The following ZNF783 variants were observed in gnomAD, a reference collection of about 807,000 sequenced individuals.
ZNF783 encodes protein ZNF783.
Under a neutral mutation model 31.3 loss-of-function variants are expected in ZNF783, and 25 were observed. The ratio of observed to expected loss-of-function variants is 0.80; its 90% CI spans 0.58 to 1.11. The LOEUF (loss-of-function observed/expected upper bound fraction) is 1.11. Ranked by LOEUF, ZNF783 falls within the 50% of genes most tolerant of loss-of-function variation. ZNF783 has a pLI of 0.00. For synonymous variants in ZNF783, 369 were observed against 319.1 expected (o/e 1.16, Z -1.66); for missense variants, 797 against 760.0 (o/e 1.05, Z -0.57).
At chr7:149,262,763 A>G (rs966846846) in intron 1 of ZNF783, among the ~76,000 whole-genome samples, 5 of 152,370 alleles carry the variant, frequency 3.3e-5, no homozygotes, top group Middle Eastern at 3.4e-3. Context: ...GGACAGGCCC[A>G]GGGTCACGCA....
intron 5 of ZNF783, among the ~76,000 whole-genome samples, chr7:149,279,318 A>AC (rs1168097253): frequency 1.3e-5 from 2 of 152,228 alleles, no homozygotes; most frequent in East Asian, 3.8e-4. Context: ...CAGACCTGGA[A>AC]CGGTGTCCGG....
Position 149,266,748 on chromosome 7 carries a change from TG to T in ZNF783, c.420+22del, listed in dbSNP as rs1293511138. 3 of 1,613,216 alleles carry T rather than the reference TG, an allele frequency of 1.9e-6. No individual in the cohort carries two copies. The highest frequency in any genetic ancestry group is 2.5e-6 in the Non-Finnish European group (3 of 1,179,692). On this transcript the variant is annotated intron_variant, in intron 2 of 5. Coordinates refer to ENST00000434415, the MANE Select transcript of ZNF783 (RefSeq NM_001195220.2). ...CCCCCAAGGTAGCACCGGGACACCC[TG>T]GGGTGGGGGAGCTCGAGGGGCTGAG...
intron 4 of ZNF783, among the ~76,000 whole-genome samples, chr7:149,274,178 C>G (rs1797271202): frequency 6.6e-6 from 1 of 151,994 alleles, no homozygotes; most frequent in South Asian, 2.1e-4. Flanking sequence ...CCAATGTTTT[C>G]TTGTAGTAGT....
At chr7:149,274,230 T>C (rs1797272318) in intron 4 of ZNF783, among the ~76,000 whole-genome samples, 1 of 152,210 alleles carries the variant, frequency 6.6e-6, no homozygotes, top group Non-Finnish European at 1.5e-5. Flanking sequence ...TAATCTATTT[T>C]GATTTGATTT....
intron 4 of ZNF783, chr7:149,276,440 A>G (rs1797330945): frequency 1.0e-6 from 1 of 985,986 alleles, no homozygotes; most frequent in Non-Finnish European, 1.2e-6. Context: ...CTTGTCATGA[A>G]AGCAACATTT....
At chr7:149,266,202 C>T (rs111987824) in intron 1 of ZNF783, 133 bp from the exon 2 acceptor site, 40 of 1,057,128 alleles carry the variant, frequency 3.8e-5, no homozygotes, top group Non-Finnish European at 4.6e-5. Flanking sequence ...CCTCTCCCCC[C>T]CAGTCTGCTG....
At position 149,264,829 on chromosome 7, in the gene ZNF783, C is replaced by T. The variant is rs190215096; in HGVS notation, c.25-1506C>T. On this transcript the variant is annotated intron_variant, in intron 1 of 5. Coordinates refer to ENST00000434415, the MANE Select transcript of ZNF783 (RefSeq NM_001195220.2). ...TGGAGGTTGCAGTGAGCCGAGATTG[C>T]GCCACTGTACCCCAGCCTGGGCGAC... 1.7e-3 allele frequency among the ~76,000 whole-genome samples: 254 copies of T among 147,840 alleles called. 1 individual carries two copies. The highest frequency in any genetic ancestry group is 5.4e-3 in the African/African-American group (215 of 39,832).
In ZNF783 at chr7:149,266,325, T is replaced by C. The variant is rs747012425; in HGVS notation, c.25-10T>C. On this transcript the variant is annotated splice_polypyrimidine_tract_variant and intron_variant, in intron 1 of 5. Coordinates refer to ENST00000434415, the MANE Select transcript of ZNF783 (RefSeq NM_001195220.2). ...CTCATAACATCTCTCTTTTCTCTTC[T>C]TGTGAGCAGGACCCCGAGACAGACA... 23 of 1,544,318 alleles carry C rather than the reference T, an allele frequency of 1.5e-5. No homozygotes were observed. The highest frequency in any genetic ancestry group is 1.8e-5 in the Non-Finnish European group (21 of 1,155,346).
At chr7:149,280,565 G>C (rs1015206643) in intron 5 of ZNF783, among the ~76,000 whole-genome samples, 1 of 152,156 alleles carries the variant, frequency 6.6e-6, no homozygotes, top group African/African-American at 2.4e-5. Context: ...TCGTGGTCTG[G>C]TCTGGCCTGG....
At chr7:149,264,944 A>AAGGGAGAAGGCTGGAAGTG (rs1241860597) in intron 1 of ZNF783, among the ~76,000 whole-genome samples, 1 of 116,170 alleles carries the variant, frequency 8.6e-6, no homozygotes, top group Non-Finnish European at 1.8e-5. Flanking sequence ...GCCTGGAAGT[A>AAGGGAGAAGGCTGGAAGTG]GGGGAGAAGG....
intron 4 of ZNF783, among the ~76,000 whole-genome samples, chr7:149,272,918 G>T (rs1797241326): frequency 6.8e-6 from 1 of 146,702 alleles, no homozygotes; most frequent in African/African-American, 2.5e-5. Flanking sequence ...CCAGCCTTCA[G>T]TAACCATCAT....
At chr7:149,268,421 T>G (rs944841262) in intron 4 of ZNF783, among the ~76,000 whole-genome samples, 2 of 152,222 alleles carry the variant, frequency 1.3e-5, no homozygotes, top group African/African-American at 4.8e-5. Flanking sequence ...TCAACAGCTT[T>G]ATTGAGATAT....
Position 149,281,099 on chromosome 7 carries a change from T to C in ZNF783, c.803-406T>C, listed in dbSNP as rs144223859. ...GTGGTCTGGGGGCATGCAGGGCCCC[T>C]GGGGTTCATTGTCTTTCACAGATGG... On this transcript the variant is annotated intron_variant, in intron 5 of 5. Transcript: ENST00000434415. Among the ~76,000 whole-genome samples, 559 of 152,296 alleles carry C rather than the reference T, an allele frequency of 3.7e-3. 6 individuals are homozygous for C. The highest frequency in any genetic ancestry group is 0.013 in the African/African-American group (533 of 41,580).
chr7:149,275,878 C>G (rs1483162515), intron 4 of ZNF783: 1 of 152,156 alleles, frequency 6.6e-6, no homozygotes, highest in African/African-American at 2.4e-5. Context: ...TCTGGCTCTT[C>G]CTCCCAATAT....
At chr7:149,279,158 C>T (rs1433604046) in intron 5 of ZNF783, among the ~76,000 whole-genome samples, 1 of 152,232 alleles carries the variant, frequency 6.6e-6, no homozygotes, top group Non-Finnish European at 1.5e-5. Flanking sequence ...TGGTTGCTTT[C>T]CCTGTGGTGA....
At chr7:149,278,224 C>T in intron 4 of ZNF783, 175 bp from the exon 5 acceptor site, 1 of 1,416,180 alleles carries the variant, frequency 7.1e-7, no homozygotes, top group Non-Finnish European at 9.2e-7. Context: ...GGACATGAGG[C>T]TTTAGACTGG....
intron 4 of ZNF783, chr7:149,276,728 C>A: frequency 1.6e-6 from 1 of 635,162 alleles, no homozygotes; most frequent in Non-Finnish European, 2.0e-6. Flanking sequence ...TGGAATGCAA[C>A]TGGCACAATC....
chr7:149,279,868 C>G (rs1019426349), intron 5 of ZNF783, among the ~76,000 whole-genome samples: 8 of 152,020 alleles, frequency 5.3e-5, no homozygotes, highest in African/African-American at 1.9e-4. Flanking sequence ...ATGTCTACTT[C>G]TTTCTACACA....
chr7:149,278,603 G>T (rs1389114178), intron 5 of ZNF783, 76 bp downstream of exon 5: 1 of 1,581,124 alleles, frequency 6.3e-7, no homozygotes, highest in African/African-American at 1.3e-5. Flanking sequence ...TGGTGCTGAG[G>T]AAAAGCCCTG....
Sources: gnomAD v4.1 joint callset for allele counts (sites outside exome capture counted in the v4.1 genomes callset) on GRCh38, gnomAD v4.1.1 for gene constraint, MANE v1.5 for transcripts, NCBI Gene and HGNC (gene_info 2026-07-23, HGNC 2026-07-21) for gene names.